NTM: variants seen among roughly 807,000 people sequenced by gnomAD.
NTM encodes the protein IgLON family member 2.
In NTM, 13 loss-of-function variants were observed where a neutral mutation model predicts 42.1. That is an observed-to-expected ratio of 0.31 (90% CI 0.20 to 0.49). NTM has a LOEUF of 0.49. Among genes scored for constraint, NTM ranks in the 20% least tolerant of loss-of-function variants. NTM has a pLI of 0.99. For synonymous variants in NTM, 187 were observed against 179.2 expected (o/e 1.04, Z -0.35); for missense variants, 373 against 452.8 (o/e 0.82, Z 1.60).
intron 3 of NTM, among the ~76,000 whole-genome samples, chr11:132,179,205 TG>T (rs984347163): frequency 2.6e-5 from 4 of 151,998 alleles, no homozygotes; most frequent in African/African-American, 9.7e-5. Context: ...CGGATCAAGG[TG>T]GAGTGGAGCT....
intron 1 of NTM, among the ~76,000 whole-genome samples, chr11:131,885,538 CA>C (rs1365973724): frequency 2.0e-5 from 3 of 152,282 alleles, no homozygotes; most frequent in Non-Finnish European, 2.9e-5. Context: ...CGCTCTTCCT[CA>C]GGGGCTGAGC....
rs529980514 is a variant in NTM at position 131,725,238 on chromosome 11, C to T, written c.83-186326C>T. ...ACAAATATTTATTGGATACTCATCACGGCATGTGTGAAGTACTATATTAAT... is the reference window on the plus strand; with the variant it reads ...ACAAATATTTATTGGATACTCATCATGGCATGTGTGAAGTACTATATTAAT... On this transcript the variant is annotated intron_variant, in intron 1 of 8. Transcript: ENST00000683400. Among the ~76,000 whole-genome samples, 8 of 152,208 alleles carry T rather than the reference C, an allele frequency of 5.3e-5. No homozygotes were observed. In the East Asian group the frequency reaches 7.7e-4, roughly 15 times the overall value.
chr11:132,141,639 C>T (rs925405035), intron 2 of NTM, among the ~76,000 whole-genome samples: 3 of 152,140 alleles, frequency 2.0e-5, no homozygotes, highest in Non-Finnish European at 4.4e-5. Context: ...ACAGGTGGGG[C>T]ACCCTCAATA....
At chr11:131,433,711 A>G (rs1443970717) in intron 1 of NTM, among the ~76,000 whole-genome samples, 1 of 151,936 alleles carries the variant, frequency 6.6e-6, no homozygotes, top group South Asian at 2.1e-4. Flanking sequence ...TGAGTTCTAG[A>G]TATTTTTTTT....
intron 1 of NTM, among the ~76,000 whole-genome samples, chr11:131,587,575 T>C (rs2058985841): frequency 1.3e-5 from 2 of 152,242 alleles, no homozygotes; most frequent in Admixed American, 1.3e-4. Context: ...ATTGGCTAAT[T>C]GAAAAATTGA....
chr11:132,018,652 A>G (rs368766594), intron 2 of NTM, among the ~76,000 whole-genome samples: 1 of 151,976 alleles, frequency 6.6e-6, no homozygotes, highest in Non-Finnish European at 1.5e-5. Context: ...AGAGTTTTGC[A>G]TCTATGTTTA....
intron 2 of NTM, among the ~76,000 whole-genome samples, chr11:132,091,225 A>G (rs1178000750): frequency 6.6e-6 from 1 of 152,012 alleles, no homozygotes; most frequent in African/African-American, 2.4e-5. Context: ...CCCTGTCCCT[A>G]CTAAAAATAC....
intron 1 of NTM, among the ~76,000 whole-genome samples, chr11:131,556,706 T>G (rs546416643): frequency 1.3e-5 from 2 of 152,070 alleles, no homozygotes; most frequent in Admixed American, 6.6e-5. Flanking sequence ...TAGCTGGGAC[T>G]ACAGGCATGC....
intron 2 of NTM, among the ~76,000 whole-genome samples, chr11:132,076,394 A>C (rs542559266): frequency 6.6e-6 from 1 of 152,184 alleles, no homozygotes; most frequent in Admixed American, 6.5e-5. Flanking sequence ...TTGTGTTCCA[A>C]GGTTGGAGAA....
At chr11:132,186,781 A>AC (rs1253013160) in intron 3 of NTM, among the ~76,000 whole-genome samples, 1 of 152,124 alleles carries the variant, frequency 6.6e-6, no homozygotes, top group Non-Finnish European at 1.5e-5. Context: ...AAGACATCAA[A>AC]CCACTGGCCC....
intron 3 of NTM, among the ~76,000 whole-genome samples, chr11:132,205,555 G>A (rs2081867984): frequency 6.6e-6 from 1 of 152,010 alleles, no homozygotes; most frequent in Admixed American, 6.5e-5. Context: ...GGCTCCCTTG[G>A]CTTCTGTCTT....
intron 1 of NTM, among the ~76,000 whole-genome samples, chr11:131,843,191 A>T (rs2044491674): frequency 6.6e-6 from 1 of 152,124 alleles, no homozygotes; most frequent in Non-Finnish European, 1.5e-5. Flanking sequence ...CACAACATTA[A>T]TCTAAACTGA....
In NTM at chr11:131,659,501, C is replaced by G. The variant is rs899658010; in HGVS notation, c.83-252063C>G. Among the ~76,000 whole-genome samples, 5 of 152,192 alleles carry G rather than the reference C, an allele frequency of 3.3e-5. No homozygotes were observed. The East Asian group carries it at 9.6e-4, about 29-fold the overall frequency. On this transcript the variant is annotated intron_variant, in intron 1 of 8. Transcript: ENST00000683400. ...TGGCCGGGCCATCGACTTCAAGGTC[C>G]TCTGGCCACTGCTTGTGATAATACC...
intron 2 of NTM, among the ~76,000 whole-genome samples, chr11:132,042,567 G>C (rs192494894): frequency 6.6e-4 from 100 of 152,296 alleles, no homozygotes; most frequent in Non-Finnish European, 1.0e-3. Flanking sequence ...AAAGGCTCTC[G>C]CTGTTGGGCA....
chr11:131,980,577 A>C (rs762433202), intron 2 of NTM, among the ~76,000 whole-genome samples: 2 of 152,212 alleles, frequency 1.3e-5, no homozygotes, highest in Non-Finnish European at 2.9e-5. Flanking sequence ...TGTACATAGA[A>C]ATAGAGTGAG....
intron 2 of NTM, among the ~76,000 whole-genome samples, chr11:131,994,626 G>A (rs749437491): frequency 1.3e-5 from 2 of 152,080 alleles, no homozygotes; most frequent in Non-Finnish European, 2.9e-5. Flanking sequence ...ATTTTTCAGG[G>A]TTTCATCATA....
intron 1 of NTM, among the ~76,000 whole-genome samples, chr11:131,664,678 T>A (rs1228073596): frequency 2.0e-5 from 3 of 152,008 alleles, no homozygotes; most frequent in Non-Finnish European, 2.9e-5. Flanking sequence ...AGATTTGAGA[T>A]GTAGTTCATT....
At chr11:132,120,048 G>T (rs551093405) in intron 2 of NTM, among the ~76,000 whole-genome samples, 3 of 152,142 alleles carry the variant, frequency 2.0e-5, no homozygotes, top group African/African-American at 7.2e-5. Flanking sequence ...TATTGCACGC[G>T]AATCAGGACC....
At chr11:131,513,246 A>G (rs1270260068) in intron 1 of NTM, among the ~76,000 whole-genome samples, 1 of 152,196 alleles carries the variant, frequency 6.6e-6, no homozygotes, top group Non-Finnish European at 1.5e-5. Context: ...ACAAAACAAT[A>G]TAAACTATCA....
Sources: gnomAD v4.1 joint callset for allele counts (sites outside exome capture counted in the v4.1 genomes callset) on GRCh38, gnomAD v4.1.1 for gene constraint, MANE v1.5 for transcripts, NCBI Gene and HGNC (gene_info 2026-07-23, HGNC 2026-07-21) for gene names.